Variants in THRB observed in about 807,000 individuals in gnomAD.
The protein encoded by THRB is thyroid hormone receptor beta.
THRB carries 12 observed loss-of-function variants against 47.8 expected under a neutral mutation model. That is an observed-to-expected ratio of 0.25 (90% CI 0.16 to 0.41). THRB has a LOEUF of 0.41. Ranked by LOEUF, THRB falls within the 10% of genes least tolerant of loss-of-function variation. The pLI is 1.00. For synonymous variants in THRB, 218 were observed against 212.2 expected (o/e 1.03, Z -0.24); for missense variants, 348 against 589.2 (o/e 0.59, Z 4.24).
chr3:24,402,244 C>T (rs2067465329), intron 1 of THRB, among the ~76,000 whole-genome samples: 1 of 152,058 alleles, frequency 6.6e-6, no homozygotes, highest in South Asian at 2.1e-4. Context: ...TTACAAGACT[C>T]CTTATGGTTC....
intron 4 of THRB, among the ~76,000 whole-genome samples, chr3:24,201,931 TTTTCA>T (rs1358019993): frequency 2.0e-5 from 3 of 152,172 alleles, no homozygotes; most frequent in Non-Finnish European, 4.4e-5. Context: ...TTTTGATCAG[TTTTCA>T]TTTAATTTTC....
At chr3:24,218,468 G>T (rs553984123) in intron 4 of THRB, among the ~76,000 whole-genome samples, 99 of 151,366 alleles carry the variant, frequency 6.5e-4, no homozygotes, top group African/African-American at 2.3e-3. Context: ...ATGGGAATGG[G>T]CTAAGCAAAG....
rs779329985 is a variant in THRB at position 24,127,776 on chromosome 3, T to A, written c.886-19A>T. 1.2e-6 allele frequency: 2 copies of A among 1,614,196 alleles called. No homozygotes were observed. Among genetic ancestry groups the A allele is most frequent in the South Asian group, 1.1e-5 (1 of 91,084 alleles). On this transcript the variant is annotated intron_variant, in intron 9 of 10. Transcript: ENST00000646209. The stretch of plus-strand genomic sequence containing the variant: ...ATGGCAGCTGAAAAGAACCAGTTCA[T>A]GTCAGCAAAGAACAAATGCAAAAAT...
At chr3:24,455,937 T>C (rs2073127037) in intron 1 of THRB, among the ~76,000 whole-genome samples, 1 of 152,228 alleles carries the variant, frequency 6.6e-6, no homozygotes, top group Non-Finnish European at 1.5e-5. Context: ...TAAAGCATTT[T>C]ATCAGCTGCT....
chr3:24,158,733 G>T (rs181233392), intron 5 of THRB, among the ~76,000 whole-genome samples: 10 of 152,278 alleles, frequency 6.6e-5, no homozygotes, highest in Admixed American at 5.2e-4. Context: ...CCCGGCCTGA[G>T]AACATATTTC....
intron 1 of THRB, among the ~76,000 whole-genome samples, chr3:24,343,639 A>G (rs1318888789): frequency 6.6e-6 from 1 of 152,096 alleles, no homozygotes; most frequent in African/African-American, 2.4e-5. Flanking sequence ...CCCATCTCCC[A>G]TGTTCACCAC....
At chr3:24,231,568 A>T (rs757446189) in intron 3 of THRB, among the ~76,000 whole-genome samples, 1 of 152,130 alleles carries the variant, frequency 6.6e-6, no homozygotes, top group Non-Finnish European at 1.5e-5. Context: ...ATAGTATACT[A>T]GTGTTACTTT....
At chr3:24,195,520 C>T (rs558247814) in intron 4 of THRB, among the ~76,000 whole-genome samples, 1 of 152,312 alleles carries the variant, frequency 6.6e-6, no homozygotes, top group East Asian at 1.9e-4. Context: ...CTCTCAGCCA[C>T]TTATAATCTA....
At chr3:24,300,454 C>T (rs1041064366) in intron 2 of THRB, among the ~76,000 whole-genome samples, 5 of 152,158 alleles carry the variant, frequency 3.3e-5, no homozygotes, top group Non-Finnish European at 5.9e-5. Context: ...TCTGGGCATT[C>T]GCTTGGTTTC....
At chr3:24,171,504 T>C (rs1203562524) in intron 5 of THRB, among the ~76,000 whole-genome samples, 2 of 152,186 alleles carry the variant, frequency 1.3e-5, no homozygotes, top group Admixed American at 1.3e-4. Context: ...TCCACATGTA[T>C]TTTATCTGAT....
chr3:24,334,560 C>A (rs2062121040), intron 2 of THRB, among the ~76,000 whole-genome samples: 1 of 152,212 alleles, frequency 6.6e-6, no homozygotes, highest in Non-Finnish European at 1.5e-5. Flanking sequence ...CTCACTATGG[C>A]ATCTCATTTC....
chr3:24,453,788 T>C (rs562727050), intron 1 of THRB, among the ~76,000 whole-genome samples: 2 of 152,322 alleles, frequency 1.3e-5, no homozygotes, highest in Non-Finnish European at 2.9e-5. Context: ...CCTTACCATC[T>C]TTCTATTCCA....
intron 6 of THRB, 27 bp from the exon 7 acceptor site, chr3:24,146,849 AAC>A (rs751425638): frequency 1.2e-6 from 2 of 1,609,570 alleles, no homozygotes; most frequent in South Asian, 1.1e-5. Context: ...GACCCAAGAC[AAC>A]AGTTTCATAT....
intron 5 of THRB, among the ~76,000 whole-genome samples, chr3:24,185,545 T>A (rs1017226506): frequency 1.3e-5 from 2 of 152,240 alleles, no homozygotes; most frequent in African/African-American, 4.8e-5. Context: ...TTCCTGGGTA[T>A]CTGAGAATCA....
chr3:24,324,548 T>G (rs1337695694), intron 2 of THRB, among the ~76,000 whole-genome samples: 5 of 152,230 alleles, frequency 3.3e-5, no homozygotes, highest in Admixed American at 3.3e-4. Flanking sequence ...AACCTCTTTT[T>G]TATTGTGAAA....
intron 3 of THRB, among the ~76,000 whole-genome samples, chr3:24,247,349 T>C (rs988238298): frequency 1.3e-5 from 2 of 152,216 alleles, no homozygotes; most frequent in Non-Finnish European, 2.9e-5. Context: ...AGGGTTCTGA[T>C]AAGTTCTAGG....
intron 4 of THRB, among the ~76,000 whole-genome samples, chr3:24,220,812 A>AAAAG (rs1553650597): frequency 7.0e-4 from 107 of 151,874 alleles, no homozygotes; most frequent in African/African-American, 2.6e-3. Context: ...GAAAAAAAAA[A>AAAAG]AAAGAAAGAA....
At chr3:24,290,352 G>A (rs986815593) in intron 3 of THRB, among the ~76,000 whole-genome samples, 1 of 152,126 alleles carries the variant, frequency 6.6e-6, no homozygotes, top group African/African-American at 2.4e-5. Flanking sequence ...CAACGGAGAG[G>A]CACCAGGCCG....
intron 4 of THRB, among the ~76,000 whole-genome samples, chr3:24,202,395 C>CT (rs966146433): frequency 5.3e-5 from 8 of 152,198 alleles, no homozygotes; most frequent in Admixed American, 1.3e-4. Context: ...ATTAAGACTC[C>CT]TTTTTTTCAT....
Sources: gnomAD v4.1 joint callset for allele counts (sites outside exome capture counted in the v4.1 genomes callset) on GRCh38, gnomAD v4.1.1 for gene constraint, MANE v1.5 for transcripts, NCBI Gene and HGNC (gene_info 2026-07-23, HGNC 2026-07-21) for gene names.